FNDC3A: variants seen among roughly 807,000 people sequenced by gnomAD.
The protein encoded by FNDC3A is fibronectin type-III domain-containing protein 3A.
In FNDC3A, 32 loss-of-function variants were observed where a neutral mutation model predicts 148.9. That is an observed-to-expected ratio of 0.21 (90% confidence interval 0.16 to 0.29). The LOEUF (loss-of-function observed/expected upper bound fraction) is 0.29. Among genes scored for constraint, FNDC3A ranks in the 10% least tolerant of loss-of-function variants. FNDC3A has a pLI of 1.00. For synonymous variants in FNDC3A, 472 were observed against 473.6 expected, an observed-to-expected ratio of 1.00 and a Z score of 0.04; for missense variants, 1,191 against 1,452.8, an observed-to-expected ratio of 0.82 and a Z score of 2.93.
intron 16 of FNDC3A, chr13:49,187,482 T>G: frequency 6.6e-7 from 1 of 1,505,806 alleles, no homozygotes; most frequent in East Asian, 2.3e-5. Flanking sequence ...AACATCCTTA[T>G]GTTTTAAGTA....
intron 1 of FNDC3A, among the ~76,000 whole-genome samples, chr13:48,986,138 A>G (rs115362493): frequency 0.019 from 2,848 of 152,306 alleles, 92 homozygotes; most frequent in African/African-American, 0.063. Context: ...CTTAACCTCT[A>G]TAACTACAAC....
chr13:49,197,288 G>A (rs993618339), intron 20 of FNDC3A, among the ~76,000 whole-genome samples: 4 of 152,160 alleles, frequency 2.6e-5, no homozygotes, highest in Non-Finnish European at 5.9e-5. Flanking sequence ...GACATACACA[G>A]GAATTAGTAA....
At chr13:49,125,261 G>T (rs570205509) in intron 4 of FNDC3A, among the ~76,000 whole-genome samples, 5 of 152,282 alleles carry the variant, frequency 3.3e-5, no homozygotes, top group African/African-American at 1.2e-4. Flanking sequence ...AAAGGGATGG[G>T]CAGGGGAGTG....
At chr13:48,998,478 T>G (rs1314354582) in intron 1 of FNDC3A, among the ~76,000 whole-genome samples, 2 of 152,204 alleles carry the variant, frequency 1.3e-5, no homozygotes, top group Admixed American at 1.3e-4. Context: ...ATGTAAGATG[T>G]ATGTAAAACA....
intron 1 of FNDC3A, among the ~76,000 whole-genome samples, chr13:48,992,140 CAG>C (rs1319968160): frequency 2.0e-5 from 3 of 152,152 alleles, no homozygotes; most frequent in African/African-American, 7.2e-5. Flanking sequence ...GCAATTTTAG[CAG>C]AGATTTCAAT....
At chr13:49,148,737 G>GA (rs1032525742) in intron 8 of FNDC3A, among the ~76,000 whole-genome samples, 3 of 152,004 alleles carry the variant, frequency 2.0e-5, no homozygotes, top group African/African-American at 7.2e-5. Flanking sequence ...ATATTTCTGT[G>GA]AAAAATGACA....
chr13:49,185,656 A>G (rs1173709641), intron 14 of FNDC3A, among the ~76,000 whole-genome samples: 1 of 152,208 alleles, frequency 6.6e-6, no homozygotes, highest in African/African-American at 2.4e-5. Context: ...AAACAAAGCA[A>G]GCCTAAAGCC....
chr13:49,000,964 T>TTGTG (rs149236388), intron 1 of FNDC3A, among the ~76,000 whole-genome samples: 5,272 of 150,094 alleles, frequency 0.035, 91 homozygotes, highest in Non-Finnish European at 0.043. Flanking sequence ...TTTTGTGTGT[T>TTGTG]TGTGTGTGTG....
At position 49,207,346 on chromosome 13, in the gene FNDC3A, T is replaced by G; in HGVS notation, c.3548T>G (p.Phe1183Cys). 2.5e-6 allele frequency: 4 copies of G among 1,613,282 alleles called. No individual in the cohort carries two copies. In the South Asian group the frequency reaches 4.4e-5, roughly 18 times the overall value. The change falls in exon 26 of 26, where the codon TTC (phenylalanine) becomes TGC (cysteine). Residue 1183 changes from phenylalanine (F) to cysteine (C), a missense_variant. By Grantham distance (205) the Phe-to-Cys change is radical. Coordinates refer to ENST00000492622, the MANE Select transcript of FNDC3A (RefSeq NM_001079673.2). ...GCCGTCATCCTTGTGCTGTTTGCTT[T>G]CTTTTCCATTTTGATTGCCTTTATC... ...CAAVILVLFA[F>C]FSILIAFIIQ...
intron 3 of FNDC3A, among the ~76,000 whole-genome samples, chr13:49,104,299 G>C (rs539872971): frequency 1.1e-4 from 16 of 152,216 alleles, no homozygotes; most frequent in African/African-American, 3.9e-4. Context: ...GGCCGAGGTG[G>C]GTTGATCACG....
At chr13:49,037,333 C>T (rs1438607026) in intron 2 of FNDC3A, among the ~76,000 whole-genome samples, 1 of 152,112 alleles carries the variant, frequency 6.6e-6, no homozygotes, top group Non-Finnish European at 1.5e-5. Flanking sequence ...AGGCCTTTAA[C>T]CATGGGTTGG....
intron 2 of FNDC3A, among the ~76,000 whole-genome samples, chr13:49,018,856 C>G (rs1011902780): frequency 6.6e-6 from 1 of 152,202 alleles, no homozygotes; most frequent in Non-Finnish European, 1.5e-5. Context: ...TTGGAGTACC[C>G]GGCCGTGTGA....
At chr13:49,192,365 G>A (rs1885930184) in intron 19 of FNDC3A, among the ~76,000 whole-genome samples, 1 of 152,064 alleles carries the variant, frequency 6.6e-6, no homozygotes, top group African/African-American at 2.4e-5. Flanking sequence ...TGTGATCTTG[G>A]CTCTCTGCAA....
intron 8 of FNDC3A, among the ~76,000 whole-genome samples, chr13:49,166,514 T>C (rs1884470358): frequency 6.6e-6 from 1 of 152,120 alleles, no homozygotes; most frequent in Admixed American, 6.5e-5. Context: ...GGGAAGTATA[T>C]AGGACCCAGC....
intron 2 of FNDC3A, among the ~76,000 whole-genome samples, chr13:49,017,930 C>G (rs1262915796): frequency 6.6e-6 from 1 of 152,070 alleles, no homozygotes; most frequent in Non-Finnish European, 1.5e-5. Context: ...GATATTGGCC[C>G]CTACTCTCTT....
intron 2 of FNDC3A, among the ~76,000 whole-genome samples, chr13:49,021,714 G>A (rs1324126329): frequency 6.6e-6 from 1 of 152,122 alleles, no homozygotes; most frequent in South Asian, 2.1e-4. Context: ...AATTAGTTTT[G>A]ACGATTTACG....
In FNDC3A at chr13:49,186,110, A is replaced by G. The variant is rs373359497; in HGVS notation, c.1756+8A>G. ...GTTTTAAAATAACCTGGGGTAAGATATTATGCATGTTTATACATTATTACT... is the reference window on the plus strand; with the variant it reads ...GTTTTAAAATAACCTGGGGTAAGATGTTATGCATGTTTATACATTATTACT... On this transcript the variant is annotated splice_region_variant and intron_variant, in intron 15 of 25. Coordinates refer to ENST00000492622, the MANE Select transcript of FNDC3A (RefSeq NM_001079673.2). The G allele has an allele frequency of 6.3e-7, 1 of 1,597,514 alleles. No homozygotes were observed. Among genetic ancestry groups the G allele is most frequent in the African/African-American group, 1.3e-5 (1 of 74,476 alleles).
intron 9 of FNDC3A, among the ~76,000 whole-genome samples, chr13:49,167,710 A>C (rs76309481): frequency 7.1e-6 from 1 of 140,764 alleles, no homozygotes; most frequent in Non-Finnish European, 1.5e-5. Context: ...TGTCTCAAAC[A>C]AAAAAAAAAA....
intron 4 of FNDC3A, among the ~76,000 whole-genome samples, chr13:49,122,882 G>T (rs147911832): frequency 6.6e-6 from 1 of 152,018 alleles, no homozygotes; most frequent in African/African-American, 2.4e-5. Context: ...TTCCATGCTC[G>T]TGGATAGGAA....
Sources: gnomAD v4.1 joint callset for allele counts (sites outside exome capture counted in the v4.1 genomes callset) on GRCh38, gnomAD v4.1.1 for gene constraint, MANE v1.5 for transcripts, NCBI Gene and HGNC (gene_info 2026-07-23, HGNC 2026-07-21) for gene names.